C3orf49: variants seen among roughly 807,000 people sequenced by gnomAD.
C3orf49 encodes putative uncharacterized protein C3orf49.
Under a neutral mutation model 13.3 loss-of-function variants are expected in C3orf49, and 27 were observed. The observed-to-expected ratio is 2.02, with a 90% CI of 1.49 to 2.79. C3orf49 has a LOEUF of 2.79. Ranked by LOEUF, C3orf49 falls within the 30% of genes most tolerant of loss-of-function variation. C3orf49 has a pLI of 0.00. For synonymous variants in C3orf49, 87 were observed against 47.6 expected (o/e 1.83, Z -3.40); for missense variants, 242 against 134.2 (o/e 1.80, Z -3.97).
At chr3:63,828,360 C>T (rs1007501262) in intron 3 of C3orf49, among the ~76,000 whole-genome samples, 1 of 152,130 alleles carries the variant, frequency 6.6e-6, no homozygotes, top group African/African-American at 2.4e-5. Context: ...AGTGCAGTGG[C>T]ACAATTTCAG....
intron 5 of C3orf49, chr3:63,836,305 A>C: frequency 1.9e-6 from 3 of 1,612,440 alleles, no homozygotes; most frequent in Non-Finnish European, 2.5e-6. Context: ...ACTTACTTTA[A>C]TGTCTCATGC....
intron 4 of C3orf49, 117 bp from the exon 5 acceptor site, chr3:63,831,552 TAATATTTTAAG>T (rs1400680033): frequency 1.6e-6 from 1 of 642,244 alleles, no homozygotes; most frequent in Non-Finnish European, 2.8e-6. Flanking sequence ...TGAATTAGAA[TAATATTTTAAG>T]ACTTGCAAAA....
chr3:63,820,714 G>C (rs1351944160), intron 1 of C3orf49, among the ~76,000 whole-genome samples: 1 of 152,184 alleles, frequency 6.6e-6, no homozygotes, highest in Non-Finnish European at 1.5e-5. Context: ...GTCTACGGGA[G>C]ATTAATCCTA....
chr3:63,836,240 G>T, intron 5 of C3orf49: 1 of 1,491,470 alleles, frequency 6.7e-7, no homozygotes, highest in Non-Finnish European at 9.2e-7. Context: ...AATGCCTACG[G>T]TAGTTTTCGA....
chr3:63,847,195 TA>T (rs532669432), intron 6 of C3orf49, among the ~76,000 whole-genome samples: 2 of 152,112 alleles, frequency 1.3e-5, no homozygotes, highest in Non-Finnish European at 2.9e-5. Context: ...CACCCTGTGA[TA>T]AAAAAAGTTC....
At chr3:63,783,376 TA>T in the C3orf49 span, among the ~76,000 whole-genome samples, 3 of 152,026 alleles carry the variant, frequency 2.0e-5, no homozygotes, top group African/African-American at 7.2e-5. Context: ...CTGTTAAGAA[TA>T]AAGACATTTA....
chr3:63,797,017 A>C, the C3orf49 span, among the ~76,000 whole-genome samples: 1 of 152,090 alleles, frequency 6.6e-6, no homozygotes, highest in Non-Finnish European at 1.5e-5. Context: ...ACCTCAATTT[A>C]AAATTGGATA....
At chr3:63,781,132 T>G in the C3orf49 span, among the ~76,000 whole-genome samples, 1 of 151,050 alleles carries the variant, frequency 6.6e-6, no homozygotes, top group Non-Finnish European at 1.5e-5. Flanking sequence ...GGTCTAACAT[T>G]TAAGTCTTTA....
chr3:63,783,339 C>T, the C3orf49 span, among the ~76,000 whole-genome samples: 5 of 152,148 alleles, frequency 3.3e-5, no homozygotes, highest in Admixed American at 2.6e-4. Context: ...CTATGAGATA[C>T]TCTTGACAAA....
rs1701710325 is a variant in C3orf49, at chr3:63,839,502, G to A, written c.850-5521G>A. Among the ~76,000 whole-genome samples, 3 of 152,202 alleles carry A rather than the reference G, an allele frequency of 2.0e-5. No individual in the cohort carries two copies. The South Asian group carries it at 6.2e-4, about 32-fold the overall frequency. ...ACATATGAGAGGCCTTTGAAGAGAA[G>A]AAAAGGCCAAGAAAATCTACTCTTG... On this transcript the variant is annotated intron_variant, in intron 5 of 6. Transcript: ENST00000295896.
intron 1 of C3orf49, among the ~76,000 whole-genome samples, chr3:63,820,193 C>G (rs555881994): frequency 1.3e-5 from 2 of 152,118 alleles, no homozygotes; most frequent in East Asian, 3.9e-4. Flanking sequence ...TCTCTCTTAC[C>G]AGGTCCATGG....
chr3:63,847,512 C>T (rs1013674767), intron 6 of C3orf49, among the ~76,000 whole-genome samples: 9 of 152,090 alleles, frequency 5.9e-5, no homozygotes, highest in African/African-American at 1.9e-4. Context: ...CAGAGGCGAG[C>T]GGATCACTTG....
intron 1 of C3orf49, among the ~76,000 whole-genome samples, chr3:63,820,284 A>T (rs1181281015): frequency 1.3e-5 from 2 of 152,226 alleles, no homozygotes; most frequent in Non-Finnish European, 2.9e-5. Flanking sequence ...ACTTCCATGG[A>T]CAAAATAAAA....
At chr3:63,807,812 G>T in the C3orf49 span, among the ~76,000 whole-genome samples, 1 of 128,446 alleles carries the variant, frequency 7.8e-6, no homozygotes, top group South Asian at 2.4e-4. Flanking sequence ...AGCCCAGCTC[G>T]CCCCATTGCA....
chr3:63,816,632 T>C (rs1701327095), upstream of C3orf49, among the ~76,000 whole-genome samples: 1 of 151,230 alleles, frequency 6.6e-6, no homozygotes, highest in Admixed American at 6.6e-5. Flanking sequence ...CAACTCCCCA[T>C]TGCTCTGAAG....
chr3:63,791,503 C>T, the C3orf49 span, among the ~76,000 whole-genome samples: 1 of 152,126 alleles, frequency 6.6e-6, no homozygotes, highest in African/African-American at 2.4e-5. Flanking sequence ...TGAGAAGGCA[C>T]CCAATACTGT....
At chr3:63,845,118 C>T (rs1253547408) in intron 6 of C3orf49, 36 bp downstream of exon 6, 8 of 679,958 alleles carry the variant, frequency 1.2e-5, no homozygotes, top group Non-Finnish European at 2.1e-5. Flanking sequence ...GTGGGGGGTA[C>T]TATCTCCTTC....
At chr3:63,838,826 A>G (rs1366613411) in intron 5 of C3orf49, among the ~76,000 whole-genome samples, 2 of 152,148 alleles carry the variant, frequency 1.3e-5, no homozygotes, top group Admixed American at 6.6e-5. Flanking sequence ...TGTTCCCACA[A>G]TTTTTTCACT....
chr3:63,809,963 C>T, the C3orf49 span, among the ~76,000 whole-genome samples: 18 of 152,114 alleles, frequency 1.2e-4, no homozygotes, highest in Admixed American at 1.1e-3. Flanking sequence ...GCCTGGCTAA[C>T]ATAGTGAAAT....
Sources: allele counts gnomAD v4.1 joint callset (sites outside exome capture counted in the v4.1 genomes callset), GRCh38; gene constraint gnomAD v4.1.1; transcripts MANE v1.5; gene names NCBI Gene and HGNC (gene_info 2026-07-23, HGNC 2026-07-21).